RANBP2: variants seen among roughly 807,000 people sequenced by gnomAD.
RANBP2 encodes RAN binding protein 2.
In RANBP2, 57 loss-of-function variants were observed where a neutral mutation model predicts 303.6. The observed-to-expected ratio is 0.19, with a 90% confidence interval of 0.15 to 0.23. The LOEUF is 0.23. RANBP2 is among the 10% of genes least tolerant of loss of function. The probability of loss-of-function intolerance (pLI) is 1.00; values close to 1 mark genes in which losing one functional copy is unlikely to be tolerated. For missense variants in RANBP2, 3,138 were observed against 3,780.8 expected (o/e 0.83, Z 4.46); for synonymous variants, 1,167 against 1,301.5 (o/e 0.90, Z 2.23).
the RANBP2 span, among the ~76,000 whole-genome samples, chr2:109,127,074 G>C: frequency 6.6e-6 from 1 of 152,246 alleles, no homozygotes; most frequent in Non-Finnish European, 1.5e-5. Context: ...AAGCCAGGCA[G>C]CTCTGGGATG....
chr2:109,427,034 T>C, the RANBP2 span, among the ~76,000 whole-genome samples: 1 of 152,270 alleles, frequency 6.6e-6, no homozygotes, highest in Middle Eastern at 3.4e-3. Flanking sequence ...AGTGGCATGA[T>C]CTCAGCTCAC....
chr2:109,213,691 C>G, the RANBP2 span, among the ~76,000 whole-genome samples: 1 of 152,250 alleles, frequency 6.6e-6, no homozygotes, highest in South Asian at 2.1e-4. Context: ...ATGGCTTCAT[C>G]TGTCACGTGT....
intron 23 of RANBP2, 73 bp from the exon 24 acceptor site, chr2:108,775,659 G>A (rs553952808): frequency 6.5e-5 from 98 of 1,510,376 alleles, no homozygotes; most frequent in Non-Finnish European, 8.0e-5. Context: ...AATTCCCTTT[G>A]AAATAGATTA....
At chr2:109,466,346 G>A in the RANBP2 span, among the ~76,000 whole-genome samples, 1 of 152,100 alleles carries the variant, frequency 6.6e-6, no homozygotes, top group Admixed American at 6.5e-5. Flanking sequence ...CTCCCAAAGT[G>A]CTGGGATTAT....
At chr2:109,571,320 A>G in the RANBP2 span, among the ~76,000 whole-genome samples, 3 of 152,208 alleles carry the variant, frequency 2.0e-5, no homozygotes, top group Admixed American at 2.0e-4. Flanking sequence ...CGATAGAAAT[A>G]TGATCTTAGG....
At chr2:109,037,965 T>G in the RANBP2 span, among the ~76,000 whole-genome samples, 3 of 152,102 alleles carry the variant, frequency 2.0e-5, no homozygotes, top group African/African-American at 7.2e-5. Flanking sequence ...CAAATTTACA[T>G]GGAAAGGCAC....
the RANBP2 span, among the ~76,000 whole-genome samples, chr2:109,393,959 A>C: frequency 3.9e-5 from 6 of 152,006 alleles, no homozygotes; most frequent in East Asian, 1.2e-3. Context: ...TCGTGGACCC[A>C]GCGCTGAAAT....
the RANBP2 span, among the ~76,000 whole-genome samples, chr2:109,227,249 G>A: frequency 6.6e-6 from 1 of 152,202 alleles, no homozygotes; most frequent in Admixed American, 6.5e-5. Context: ...GGGGGAAGGA[G>A]CTAAGAGAAA....
downstream of RANBP2, chr2:108,786,799 A>G (rs1331844000): frequency 3.8e-6 from 6 of 1,570,208 alleles, no homozygotes; most frequent in Admixed American, 5.7e-5. Flanking sequence ...GTTCCCGGGG[A>G]GACTGGTACG....
chr2:109,534,150 G>C, the RANBP2 span, among the ~76,000 whole-genome samples: 1 of 152,172 alleles, frequency 6.6e-6, no homozygotes, highest in African/African-American at 2.4e-5. Context: ...ACGAGCCTCT[G>C]CCAGTGTGTA....
the RANBP2 span, among the ~76,000 whole-genome samples, chr2:109,563,570 G>C: frequency 6.6e-6 from 1 of 152,170 alleles, no homozygotes; most frequent in East Asian, 1.9e-4. Context: ...GATTTGAGTT[G>C]CATAAAGTCT....
At chr2:108,999,985 T>C in the RANBP2 span, among the ~76,000 whole-genome samples, 6 of 152,214 alleles carry the variant, frequency 3.9e-5, no homozygotes, top group Non-Finnish European at 8.8e-5. Context: ...AATGACGACC[T>C]GCTCTCAAAG....
the RANBP2 span, among the ~76,000 whole-genome samples, chr2:109,627,456 CA>C: frequency 6.6e-6 from 1 of 152,192 alleles, no homozygotes; most frequent in African/African-American, 2.4e-5. Flanking sequence ...CTTGGCCTCC[CA>C]AAGTGCTGGG....
the RANBP2 span, among the ~76,000 whole-genome samples, chr2:109,314,109 C>T: frequency 6.0e-4 from 92 of 152,094 alleles, no homozygotes; most frequent in Non-Finnish European, 7.5e-4. Flanking sequence ...GACACAGTAG[C>T]GGAAAGCAGC....
the RANBP2 span, chr2:108,923,575 G>T: frequency 3.1e-5 from 25 of 811,800 alleles, 1 homozygote; most frequent in South Asian, 3.4e-4. Flanking sequence ...ATGAGGCCAC[G>T]CCCACTCAGT....
At chr2:108,739,469 T>C (rs1695894230) in intron 6 of RANBP2, among the ~76,000 whole-genome samples, 4 of 152,176 alleles carry the variant, frequency 2.6e-5, no homozygotes, top group Admixed American at 2.0e-4. Context: ...TATAAATTTT[T>C]TTTTGGTATT....
Position 108,767,577 on chromosome 2 carries a change from T to C in RANBP2, c.7038T>C (p.Val2346=). The C allele has an allele frequency of 6.2e-7, 1 of 1,611,960 alleles. No individual in the cohort carries two copies. Among genetic ancestry groups the C allele is most frequent in the Non-Finnish European group, 8.5e-7 (1 of 1,179,848 alleles). ...RAKLYRYDKD[V]GQWKERGIGD... is the part of the protein sequence containing the mutation. ...AACTCTACAGATATGATAAAGATGTTGGTCAATGGAAAGAAAGGGGCATTG... is the reference window on the plus strand; with the variant it reads ...AACTCTACAGATATGATAAAGATGTCGGTCAATGGAAAGAAAGGGGCATTG... The change falls in exon 20 of 29, where the codon GTT becomes GTC. Residue 2346 remains valine (V), a synonymous_variant. Coordinates refer to ENST00000283195, the MANE Select transcript of RANBP2 (RefSeq NM_006267.5).
the RANBP2 span, among the ~76,000 whole-genome samples, chr2:108,949,601 AATGTG>A: frequency 6.6e-6 from 1 of 152,158 alleles, no homozygotes; most frequent in Non-Finnish European, 1.5e-5. Context: ...TTTTCCTAAA[AATGTG>A]ATGAGATTTC....
the RANBP2 span, among the ~76,000 whole-genome samples, chr2:109,637,565 T>C: frequency 6.6e-6 from 1 of 152,204 alleles, no homozygotes; most frequent in African/African-American, 2.4e-5. Flanking sequence ...CCCTGGTTTA[T>C]TGAGACTAGA....
Sources: allele counts gnomAD v4.1 joint callset (sites outside exome capture counted in the v4.1 genomes callset), GRCh38; gene constraint gnomAD v4.1.1; transcripts MANE v1.5; gene names NCBI Gene and HGNC (gene_info 2026-07-23, HGNC 2026-07-21).